Variants in GFRA1 observed in about 807,000 individuals in gnomAD.
The protein encoded by GFRA1 is GDNF family receptor alpha 1.
A neutral mutation model predicts 51.6 loss-of-function variants in GFRA1; 16 were observed. That is an observed-to-expected ratio of 0.31 (90% CI 0.21 to 0.47). The LOEUF is 0.47. Ranked by LOEUF, GFRA1 falls within the 20% of genes least tolerant of loss-of-function variation. The probability of loss-of-function intolerance (pLI) is 1.00; values close to 1 mark genes in which losing one functional copy is unlikely to be tolerated. For synonymous variants in GFRA1, 270 were observed against 241.3 expected, an observed-to-expected ratio of 1.12 and a Z score of -1.10; for missense variants, 530 against 594.3, an observed-to-expected ratio of 0.89 and a Z score of 1.13.
chr10:116,059,873 G>A lies in GFRA1; in HGVS notation c.*4525C>T, dbSNP rs980996669. On this transcript the variant is annotated 3_prime_UTR_variant, in exon 11 of 11. Coordinates refer to ENST00000355422, the MANE Select transcript of GFRA1 (RefSeq NM_005264.8). ...CATCTTCAGATCATCTGGCTCCTGA[G>A]AGAGGCTTCTCTGTCTTAAAATATA... is the stretch of plus-strand genomic sequence containing the variant. The A allele has an allele frequency of 6.6e-6, 1 of 152,178 alleles. No homozygotes were observed. Among genetic ancestry groups the A allele is most frequent in the African/African-American group, 2.4e-5 (1 of 41,444 alleles). The allele number at this position is 152,178 out of a possible 1,614,324, so 9.4% of individuals were successfully genotyped here.
intron 4 of GFRA1, among the ~76,000 whole-genome samples, chr10:116,219,054 G>C (rs1410506521): frequency 2.0e-5 from 3 of 152,018 alleles, no homozygotes; most frequent in Non-Finnish European, 4.4e-5. Flanking sequence ...ACATTTACTA[G>C]GGAATGTGCT....
chr10:116,222,946 C>T lies in GFRA1; in HGVS notation c.419-11301G>A, dbSNP rs77010620. 9.9e-3 allele frequency among the ~76,000 whole-genome samples: 1,508 copies of T among 152,268 alleles called. 25 individuals carry two copies. Among genetic ancestry groups the T allele is most frequent in the African/African-American group, 0.034 (1,417 of 41,534 alleles). On this transcript the variant is annotated intron_variant, in intron 4 of 10. Transcript: ENST00000355422. ...TAACAACATTTACATAGTATTTACA[C>T]TGTATCATGTATTATAGGTAACCTA...
intron 4 of GFRA1, among the ~76,000 whole-genome samples, chr10:116,238,366 T>C (rs1967073791): frequency 6.6e-6 from 1 of 152,184 alleles, no homozygotes; most frequent in African/African-American, 2.4e-5. Context: ...CTTTACCATC[T>C]GCATTCAGCC....
intron 4 of GFRA1, among the ~76,000 whole-genome samples, chr10:116,262,449 A>C (rs1193791952): frequency 1.3e-5 from 2 of 152,062 alleles, no homozygotes; most frequent in Non-Finnish European, 2.9e-5. Context: ...GGTTTTTCAG[A>C]TCATCAAGCA....
At chr10:116,096,602 G>T in intron 7 of GFRA1, 53 bp downstream of exon 7, 1 of 944,488 alleles carries the variant, frequency 1.1e-6, no homozygotes, top group Non-Finnish European at 1.7e-6. Context: ...TGGAAAGAAC[G>T]CAGGTATATG....
Position 116,272,957 on chromosome 10 carries a change from C to T in GFRA1, c.-247+206G>A, listed in dbSNP as rs1035742819. ...GACTCGGGCGCTTCCGCACCCCAGC[C>T]CAGGGCGAGCGCGCCGGCCCGCAGT... On this transcript the variant is annotated intron_variant, in intron 1 of 10. Coordinates refer to ENST00000355422, the MANE Select transcript of GFRA1 (RefSeq NM_005264.8). This position sits in a 1 kb window ranked among gnomAD's most constrained non-coding sequence, Gnocchi z 4.4. The T allele has an allele frequency of 6.6e-6, 1 of 152,152 alleles. No individual in the cohort carries two copies. The highest frequency in any genetic ancestry group is 2.4e-5 in the African/African-American group (1 of 41,444). 9.4% of individuals were successfully genotyped at this position (152,152 alleles called of 1,614,324 possible). A position where few individuals can be genotyped will look rare whatever the true frequency, so the allele number is the denominator to read the frequency against.
chr10:116,141,751 T>C (rs1403036751), intron 5 of GFRA1, among the ~76,000 whole-genome samples: 1 of 152,012 alleles, frequency 6.6e-6, no homozygotes, highest in Non-Finnish European at 1.5e-5. Flanking sequence ...GCCTGGCTAG[T>C]TTTTGTATTT....
chr10:116,270,033 A>T (rs1589928364), intron 3 of GFRA1, among the ~76,000 whole-genome samples: 1 of 152,308 alleles, frequency 6.6e-6, no homozygotes, highest in South Asian at 2.1e-4. Context: ...ACAGGTTTTC[A>T]TTAATAGACT....
intron 7 of GFRA1, among the ~76,000 whole-genome samples, chr10:116,096,253 C>T (rs1343551568): frequency 6.6e-6 from 1 of 152,030 alleles, no homozygotes; most frequent in Non-Finnish European, 1.5e-5. Context: ...TTTTGATTTC[C>T]CCAGCCTGAA....
intron 4 of GFRA1, among the ~76,000 whole-genome samples, chr10:116,215,544 C>A (rs1365780916): frequency 6.6e-6 from 1 of 152,192 alleles, no homozygotes; most frequent in African/African-American, 2.4e-5. Flanking sequence ...TATTCTAATA[C>A]CCCTGTCACG....
chr10:116,079,853 G>A (rs1440997900), intron 9 of GFRA1, among the ~76,000 whole-genome samples: 1 of 152,134 alleles, frequency 6.6e-6, no homozygotes, highest in Non-Finnish European at 1.5e-5. Context: ...AATACCAGGG[G>A]AAGCAAGTGA....
chr10:116,167,031 C>T (rs1261440186), intron 5 of GFRA1, among the ~76,000 whole-genome samples: 1 of 151,874 alleles, frequency 6.6e-6, no homozygotes, highest in Non-Finnish European at 1.5e-5. Context: ...AATCTCCTGA[C>T]CTCCTGATCC....
At chr10:116,074,605 A>G (rs1955537118) in intron 9 of GFRA1, among the ~76,000 whole-genome samples, 1 of 152,212 alleles carries the variant, frequency 6.6e-6, no homozygotes, top group Non-Finnish European at 1.5e-5. Context: ...TGCCTCTCTG[A>G]GGTCCCTGCA....
chr10:116,188,503 C>T (rs1184082360), intron 5 of GFRA1, among the ~76,000 whole-genome samples: 1 of 152,100 alleles, frequency 6.6e-6, no homozygotes, highest in African/African-American at 2.4e-5. Flanking sequence ...TATAGAGTTT[C>T]AGTTTGGGAT....
At chr10:116,094,348 T>C (rs1206009565) in intron 7 of GFRA1, among the ~76,000 whole-genome samples, 1 of 152,184 alleles carries the variant, frequency 6.6e-6, no homozygotes, top group Non-Finnish European at 1.5e-5. Context: ...TATGGGGTCT[T>C]CTCAACTGAT....
At chr10:116,102,520 C>T (rs1323098310) in intron 6 of GFRA1, among the ~76,000 whole-genome samples, 1 of 152,140 alleles carries the variant, frequency 6.6e-6, no homozygotes, top group Non-Finnish European at 1.5e-5. Context: ...ATACCTGAGA[C>T]TGGATAATCT....
intron 9 of GFRA1, among the ~76,000 whole-genome samples, chr10:116,066,305 G>A (rs574149353): frequency 4.6e-5 from 7 of 152,222 alleles, no homozygotes; most frequent in African/African-American, 1.7e-4. Flanking sequence ...ATAGAATCCG[G>A]GGCTAAGGCA....
At chr10:116,201,815 AC>A (rs1589868068) in intron 5 of GFRA1, among the ~76,000 whole-genome samples, 1 of 151,556 alleles carries the variant, frequency 6.6e-6, no homozygotes, top group Non-Finnish European at 1.5e-5. Flanking sequence ...CACTGTCCCC[AC>A]CCCCCTCACC....
chr10:116,270,418 C>T (rs1321749811), intron 3 of GFRA1, among the ~76,000 whole-genome samples: 1 of 152,210 alleles, frequency 6.6e-6, no homozygotes, highest in Admixed American at 6.6e-5. Context: ...GGGAACAAGA[C>T]AGGGGGAGTC....
Sources: gnomAD v4.1 joint callset for allele counts (sites outside exome capture counted in the v4.1 genomes callset) on GRCh38, gnomAD v4.1.1 for gene constraint, Gnocchi (gnomAD v3.1) non-coding constraint, MANE v1.5 for transcripts, NCBI Gene and HGNC (gene_info 2026-07-23, HGNC 2026-07-21) for gene names.